Variants in MMP2 observed in about 807,000 individuals in gnomAD.
The protein encoded by MMP2 is 72 kDa type IV collagenase.
A neutral mutation model predicts 74.8 loss-of-function variants in MMP2; 39 were observed. The ratio of observed to expected loss-of-function variants is 0.52; its 90% CI spans 0.40 to 0.68. MMP2 has a LOEUF of 0.68. Ranked by LOEUF, MMP2 falls within the 30% of genes least tolerant of loss-of-function variation. The pLI is 0.00. For synonymous variants in MMP2, 367 were observed against 339.8 expected (o/e 1.08, Z -0.88); for missense variants, 803 against 878.3 (o/e 0.91, Z 1.08).
In MMP2 at chr16:55,502,077, G is replaced by A. The variant is rs111240585; in HGVS notation, c.1770-702G>A. ...AAAGGCGGGGCCCAGGATTGCTGCC[G>A]CCGGAACTGAGGTGGCATGTGGCCC... On this transcript the variant is annotated intron_variant, in intron 11 of 12. Transcript: ENST00000219070. Among the ~76,000 whole-genome samples the A allele has an allele frequency of 3.8e-3, 583 of 152,272 alleles. 3 individuals carry two copies. Among genetic ancestry groups the A allele is most frequent in the African/African-American group, 0.013 (560 of 41,538 alleles).
intron 9 of MMP2, among the ~76,000 whole-genome samples, chr16:55,493,815 C>A (rs1962472115): frequency 6.6e-6 from 1 of 152,214 alleles, no homozygotes; most frequent in South Asian, 2.1e-4. Flanking sequence ...CTACCACAGG[C>A]CTTCTAGAAT....
chr16:55,501,385 G>C (rs1962662893), intron 11 of MMP2, among the ~76,000 whole-genome samples: 1 of 152,226 alleles, frequency 6.6e-6, no homozygotes, highest in Non-Finnish European at 1.5e-5. Context: ...AAATGGGCTT[G>C]ACTTCTGCCA....
intron 5 of MMP2, 93 bp downstream of exon 5, chr16:55,485,870 C>A: frequency 7.6e-7 from 1 of 1,317,962 alleles, no homozygotes; most frequent in Non-Finnish European, 1.1e-6. Flanking sequence ...CTCTCCAGGA[C>A]TGGCTGCCAC....
chr16:55,501,165 T>C (rs2142371957), intron 11 of MMP2, among the ~76,000 whole-genome samples: 1 of 152,332 alleles, frequency 6.6e-6, no homozygotes. Flanking sequence ...TTAGCTCCTT[T>C]TCCCAAGTGT....
chr16:55,491,970 C>T lies in MMP2; in HGVS notation c.1336+14C>T, dbSNP rs745630597. The T allele has an allele frequency of 8.9e-5, 64 of 715,728 alleles. No individual in the cohort carries two copies. The highest frequency in any genetic ancestry group is 1.4e-4 in the South Asian group (8 of 55,250). 44.3% of individuals were successfully genotyped at this position (715,728 alleles called of 1,614,324 possible). ...AGGAGCTCTATGGTAAACCTCCGGG[C>T]GGGGGTTGGGGGTGGAGGGTGAGGA... On this transcript the variant is annotated intron_variant, in intron 8 of 12. Transcript: ENST00000219070.
chr16:55,499,421 C>T (rs1027118952), intron 11 of MMP2, among the ~76,000 whole-genome samples: 1 of 152,096 alleles, frequency 6.6e-6, no homozygotes, highest in Non-Finnish European at 1.5e-5. Flanking sequence ...AGCCAGCATC[C>T]AAATCAGACC....
At chr16:55,481,831 A>G (rs1459372692) in intron 1 of MMP2, 1 of 757,060 alleles carries the variant, frequency 1.3e-6, no homozygotes, top group South Asian at 1.4e-5. Context: ...GAAATTTCCT[A>G]TCTCAGGGTT....
chr16:55,498,656 G>A (rs1274825275), intron 11 of MMP2, among the ~76,000 whole-genome samples: 1 of 152,194 alleles, frequency 6.6e-6, no homozygotes, highest in Non-Finnish European at 1.5e-5. Flanking sequence ...TATAATTCTG[G>A]TGGAATATCC....
intron 1 of MMP2, chr16:55,481,789 G>A: frequency 1.4e-6 from 1 of 723,906 alleles, no homozygotes; most frequent in Non-Finnish European, 2.6e-6. Flanking sequence ...TGTTAGGCAA[G>A]TGACTTCTCA....
At chr16:55,500,653 T>G (rs1596828231) in intron 11 of MMP2, among the ~76,000 whole-genome samples, 2 of 152,136 alleles carry the variant, frequency 1.3e-5, no homozygotes, top group African/African-American at 4.8e-5. Flanking sequence ...GACAGCGTGC[T>G]CTACAGAGGA....
chr16:55,500,521 A>ACACACACACACACACACACACG (rs1308502075), intron 11 of MMP2, among the ~76,000 whole-genome samples: 83 of 151,832 alleles, frequency 5.5e-4, no homozygotes, highest in African/African-American at 2.0e-3. Context: ...ACACACACAC[A>ACACACACACACACACACACACG]CACACACACA....
chr16:55,500,237 GCA>G (rs71149618), intron 11 of MMP2, among the ~76,000 whole-genome samples: 3 of 150,390 alleles, frequency 2.0e-5, no homozygotes, highest in Non-Finnish European at 4.4e-5. Flanking sequence ...GCACGCACAC[GCA>G]CACACACACA....
chr16:55,487,683 A>T (rs1344396329), intron 5 of MMP2: 1 of 152,306 alleles, frequency 6.6e-6, no homozygotes, highest in East Asian at 1.9e-4. Flanking sequence ...AATTCCAGAG[A>T]CACCATTTTT....
intron 9 of MMP2, 71 bp from the exon 10 acceptor site, chr16:55,496,855 G>C (rs1962539454): frequency 1.3e-6 from 2 of 1,598,592 alleles, no homozygotes; most frequent in Non-Finnish European, 8.5e-7. Flanking sequence ...GGGTGGGTTT[G>C]GGGGTGTGTG....
intron 1 of MMP2, 38 bp from the exon 2 acceptor site, chr16:55,482,871 A>G: frequency 1.3e-6 from 2 of 1,563,894 alleles, no homozygotes; most frequent in Non-Finnish European, 1.8e-6. Flanking sequence ...TGCCATCCTA[A>G]TGTGGCTAAT....
intron 12 of MMP2, among the ~76,000 whole-genome samples, chr16:55,503,989 C>CA (rs1567383768): frequency 2.0e-5 from 3 of 152,076 alleles, no homozygotes; most frequent in South Asian, 2.1e-4. Flanking sequence ...TCTATCTCTA[C>CA]AAAAAAATTT....
chr16:55,485,171 A>G (rs1408288388), intron 3 of MMP2, 128 bp from the exon 4 acceptor site: 5 of 1,330,934 alleles, frequency 3.8e-6, no homozygotes, highest in Non-Finnish European at 5.4e-6. Context: ...GTCCTGGATA[A>G]CCCCACTGGG....
intron 5 of MMP2, chr16:55,486,938 C>G (rs1188988149): frequency 6.6e-6 from 1 of 152,212 alleles, no homozygotes; most frequent in African/African-American, 2.4e-5. Flanking sequence ...AATTCCCTTC[C>G]TGTTTATGCT....
chr16:55,484,240 G>C (rs1962183919), intron 3 of MMP2, 76 bp downstream of exon 3: 2 of 1,536,250 alleles, frequency 1.3e-6, no homozygotes, highest in Non-Finnish European at 1.8e-6. Flanking sequence ...GACATTAGAG[G>C]GGCGTGGGGA....
Sources: gnomAD v4.1 joint callset for allele counts (sites outside exome capture counted in the v4.1 genomes callset) on GRCh38, gnomAD v4.1.1 for gene constraint, MANE v1.5 for transcripts, NCBI Gene and HGNC (gene_info 2026-07-23, HGNC 2026-07-21) for gene names.